Variants in DLGAP2 observed in about 807,000 individuals in gnomAD.
DLGAP2 encodes disks large-associated protein 2.
Under a neutral mutation model 100.3 loss-of-function variants are expected in DLGAP2, and 26 were observed. That is an observed-to-expected ratio of 0.26 (90% confidence interval 0.19 to 0.36). DLGAP2 has a LOEUF of 0.36. Among genes scored for constraint, DLGAP2 ranks in the 10% least tolerant of loss-of-function variants. DLGAP2 has a pLI of 1.00. For missense variants in DLGAP2, 1,858 were observed against 1,453.2 expected (o/e 1.28, Z -4.53); for synonymous variants, 886 against 630.1 (o/e 1.41, Z -6.08).
At chr8:1,127,172 C>T (rs564896510) in intron 2 of DLGAP2, among the ~76,000 whole-genome samples, 1 of 151,162 alleles carries the variant, frequency 6.6e-6, no homozygotes, top group South Asian at 2.1e-4. Flanking sequence ...CAACCCAGCT[C>T]TTAAACGGTC....
At chr8:1,071,094 C>T (rs1207893857) in intron 2 of DLGAP2, among the ~76,000 whole-genome samples, 2 of 152,182 alleles carry the variant, frequency 1.3e-5, no homozygotes, top group Non-Finnish European at 2.9e-5. Context: ...TCTCTCCTGG[C>T]CTCCTCCCAC....
chr8:854,699 G>C (rs956713655), intron 1 of DLGAP2, among the ~76,000 whole-genome samples: 1 of 152,196 alleles, frequency 6.6e-6, no homozygotes, highest in African/African-American at 2.4e-5. Context: ...ATGCAGGGGT[G>C]AGGGGACATG....
intron 8 of DLGAP2, among the ~76,000 whole-genome samples, chr8:1,634,761 ATTGTTT>A (rs1797729500): frequency 1.3e-5 from 2 of 152,186 alleles, no homozygotes; most frequent in South Asian, 4.1e-4. Flanking sequence ...AAAGGACTTT[ATTGTTT>A]TTAGGACTGT....
intron 2 of DLGAP2, among the ~76,000 whole-genome samples, chr8:950,594 T>C (rs1439274326): frequency 6.6e-6 from 1 of 151,850 alleles, no homozygotes; most frequent in African/African-American, 2.4e-5. Flanking sequence ...TGTAGAAAAA[T>C]TTGTAGAATA....
chr8:1,043,582 G>A (rs1424901150), intron 2 of DLGAP2, among the ~76,000 whole-genome samples: 1 of 151,958 alleles, frequency 6.6e-6, no homozygotes, highest in Non-Finnish European at 1.5e-5. Context: ...TGACAGTGTT[G>A]GTGAGTGATA....
intron 1 of DLGAP2, among the ~76,000 whole-genome samples, chr8:780,735 A>C (rs891026732): frequency 2.8e-4 from 43 of 152,226 alleles, no homozygotes; most frequent in African/African-American, 1.0e-3. Context: ...GCACATTGTC[A>C]TTAACCAGAG....
At chr8:1,041,406 G>A (rs540219961) in intron 2 of DLGAP2, among the ~76,000 whole-genome samples, 77 of 152,320 alleles carry the variant, frequency 5.1e-4, no homozygotes, top group Non-Finnish European at 9.7e-4. Context: ...AGAGGCACTC[G>A]GGAGGAGACA....
intron 2 of DLGAP2, among the ~76,000 whole-genome samples, chr8:1,078,197 G>T (rs553725456): frequency 1.3e-5 from 2 of 152,218 alleles, no homozygotes; most frequent in African/African-American, 4.8e-5. Flanking sequence ...TATTCATCTA[G>T]AACATTATTA....
intron 2 of DLGAP2, among the ~76,000 whole-genome samples, chr8:1,233,487 C>T (rs1471493845): frequency 3.3e-5 from 5 of 152,154 alleles, no homozygotes; most frequent in Middle Eastern, 3.2e-3. Context: ...AATCGCAGAG[C>T]GCAGGGAAGG....
intron 2 of DLGAP2, among the ~76,000 whole-genome samples, chr8:1,181,759 C>A (rs1797393248): frequency 6.6e-6 from 1 of 152,074 alleles, no homozygotes; most frequent in Non-Finnish European, 1.5e-5. Context: ...GCCCCGTGCT[C>A]CCCAGGCTGG....
At chr8:809,397 T>G (rs1279569190) in intron 1 of DLGAP2, among the ~76,000 whole-genome samples, 1 of 152,150 alleles carries the variant, frequency 6.6e-6, no homozygotes, top group Non-Finnish European at 1.5e-5. Context: ...GTCTGAGTTT[T>G]GACTGCTAAG....
At chr8:834,928 A>G (rs1796844635) in intron 1 of DLGAP2, among the ~76,000 whole-genome samples, 1 of 152,206 alleles carries the variant, frequency 6.6e-6, no homozygotes. Context: ...AACCCAAGCA[A>G]GGCTGTCACA....
intron 3 of DLGAP2, among the ~76,000 whole-genome samples, chr8:1,467,674 C>T (rs984164963): frequency 1.3e-5 from 2 of 152,194 alleles, no homozygotes; most frequent in African/African-American, 4.8e-5. Context: ...GCCCCCAGCA[C>T]AGAACCACGG....
chr8:868,121 CTTTATTA>C (rs1221943861), intron 1 of DLGAP2, among the ~76,000 whole-genome samples: 2 of 152,114 alleles, frequency 1.3e-5, no homozygotes, highest in South Asian at 2.1e-4. Flanking sequence ...TGCATTTTTT[CTTTATTA>C]TTTATATTTA....
chr8:1,370,638 C>T (rs10092136), intron 3 of DLGAP2, among the ~76,000 whole-genome samples: 12 of 152,078 alleles, frequency 7.9e-5, no homozygotes, highest in Non-Finnish European at 1.6e-4. Context: ...GGAGCTGTCA[C>T]ACCCAATGAG....
chr8:863,675 C>G (rs1797436126), intron 1 of DLGAP2, among the ~76,000 whole-genome samples: 1 of 152,214 alleles, frequency 6.6e-6, no homozygotes, highest in Admixed American at 6.5e-5. Context: ...CCACAACGAG[C>G]TGTCCCCTGG....
At chr8:1,097,069 C>A (rs1391546375) in intron 2 of DLGAP2, among the ~76,000 whole-genome samples, 2 of 141,576 alleles carry the variant, frequency 1.4e-5, no homozygotes, top group Admixed American at 1.4e-4. Context: ...AGGTCCCCTC[C>A]AGTGTGAGAC....
intron 1 of DLGAP2, chr8:891,528 G>C (rs1798035276): frequency 6.6e-6 from 1 of 152,480 alleles, no homozygotes; most frequent in Admixed American, 6.5e-5. Context: ...TGGGCCACAG[G>C]ATGGGAGCCT....
At chr8:1,438,704 T>G (rs1797730252) in intron 3 of DLGAP2, among the ~76,000 whole-genome samples, 1 of 152,180 alleles carries the variant, frequency 6.6e-6, no homozygotes, top group Admixed American at 6.5e-5. Context: ...AATACACACT[T>G]CATCAGAAAA....
Sources: gnomAD v4.1 joint callset for allele counts (sites outside exome capture counted in the v4.1 genomes callset) on GRCh38, gnomAD v4.1.1 for gene constraint, MANE v1.5 for transcripts, NCBI Gene and HGNC (gene_info 2026-07-23, HGNC 2026-07-21) for gene names.